Variants in SLC38A10 observed in about 807,000 individuals in gnomAD.
SLC38A10 encodes the protein Sodium-coupled neutral amino acid transporter 10.
In SLC38A10, 53 loss-of-function variants were observed where a neutral mutation model predicts 81.0. The observed-to-expected ratio is 0.65, with a 90% CI of 0.53 to 0.82. SLC38A10 has a LOEUF of 0.82. Ranked by LOEUF, SLC38A10 falls within the 40% of genes least tolerant of loss-of-function variation. The pLI, the probability that SLC38A10 is intolerant of heterozygous loss-of-function variation, is 0.00. For missense variants in SLC38A10, 1,471 were observed against 1,545.0 expected, an observed-to-expected ratio of 0.95 and a Z score of 0.80; for synonymous variants, 665 against 655.3, an observed-to-expected ratio of 1.01 and a Z score of -0.23.
intron 10 of SLC38A10, among the ~76,000 whole-genome samples, chr17:81,267,145 C>T (rs1472566320): frequency 1.3e-5 from 2 of 152,246 alleles, no homozygotes; most frequent in East Asian, 3.9e-4. Context: ...CCAAGTTAGG[C>T]CCGAATACAT....
intron 11 of SLC38A10, among the ~76,000 whole-genome samples, chr17:81,259,593 C>A (rs932552967): frequency 6.6e-6 from 1 of 152,156 alleles, no homozygotes; most frequent in Non-Finnish European, 1.5e-5. Flanking sequence ...ACCCAGGCCA[C>A]GGAGCTGCGG....
At position 81,245,690 on chromosome 17, in the gene SLC38A10, G is replaced by A. The variant is rs757534935; in HGVS notation, c.3226C>T (p.Pro1076Ser). 5 of 1,591,202 alleles carry A rather than the reference G, an allele frequency of 3.1e-6. No homozygotes were observed. Among genetic ancestry groups the A allele is most frequent in the Non-Finnish European group, 4.3e-6 (5 of 1,168,562 alleles). The stretch of plus-strand genomic sequence containing the variant: ...TCGTTCACCTGGACATCAGGCAGGG[G>A]GTTAAGGCCAATGATGACCCCATCC... ...PRDGVIIGLN[P>S]LPDVQVNDLR... The change falls in exon 16 of 16, where the codon CCC (proline) becomes TCC (serine). Residue 1076 changes from proline (P) to serine (S), a missense_variant. Around this residue, in one of 2 missense-constraint regions of SLC38A10, gnomAD observed 751 missense variants for 717.4 expected, o/e 1.05. Coordinates refer to ENST00000374759, the MANE Select transcript of SLC38A10 (RefSeq NM_001037984.3).
intron 10 of SLC38A10, among the ~76,000 whole-genome samples, chr17:81,260,602 G>A (rs1024550313): frequency 3.9e-5 from 6 of 152,340 alleles, no homozygotes; most frequent in East Asian, 1.9e-4. Flanking sequence ...CCACCTGCCC[G>A]CGAAGCTCCC....
In SLC38A10 at chr17:81,281,151, C is replaced by A. The variant is rs1014015950; in HGVS notation, c.502-418G>T. Among the ~76,000 whole-genome samples the A allele has an allele frequency of 1.3e-5, 2 of 152,190 alleles. No homozygotes were observed. Among genetic ancestry groups the A allele is most frequent in the African/African-American group, 2.4e-5 (1 of 41,438 alleles). On this transcript the variant is annotated intron_variant, in intron 5 of 15. Transcript: ENST00000374759. The surrounding 1 kb of genome is among the most constrained non-coding windows in gnomAD (Gnocchi z 5.3). ...TTTCCAAAAGACTGGCCCACCAGGA[C>A]GCGGCTGTCTCAAGAGTAAAGAGGT... is the stretch of plus-strand genomic sequence containing the variant.
intron 14 of SLC38A10, among the ~76,000 whole-genome samples, chr17:81,250,715 C>T (rs1041071907): frequency 6.6e-6 from 1 of 152,212 alleles, no homozygotes; most frequent in Admixed American, 6.5e-5. Flanking sequence ...CAGCCACACA[C>T]CCTCAGAGGG....
rs2048985948 is a variant in SLC38A10, at chr17:81,284,907, GA to G, written c.218-13del. ...GTAGGCGTGGAATGCTAGTGCAAAA[GA>G]AAAAGGAACACTCAATCCAACAGCG... On this transcript the variant is annotated splice_polypyrimidine_tract_variant and intron_variant, in intron 2 of 15. Transcript: ENST00000374759. 2 of 1,543,232 alleles carry G rather than the reference GA, an allele frequency of 1.3e-6. No homozygotes were observed. The highest frequency in any genetic ancestry group is 2.5e-5 in the East Asian group (1 of 40,114).
At chr17:81,271,144 G>A (rs73358128) in intron 9 of SLC38A10, 120 bp from the exon 10 acceptor site, 13,059 of 812,368 alleles carry the variant, frequency 0.016, 258 homozygotes, top group African/African-American at 0.081. Flanking sequence ...CCGTCTAGGC[G>A]TGAGCCGGGA....
intron 10 of SLC38A10, among the ~76,000 whole-genome samples, chr17:81,266,306 C>A (rs1463079079): frequency 6.6e-6 from 1 of 152,222 alleles, no homozygotes; most frequent in Non-Finnish European, 1.5e-5. Context: ...CTTCCCTTTA[C>A]ACAAACAGCC....
intron 6 of SLC38A10, chr17:81,280,196 T>G (rs1039642007): frequency 1.8e-5 from 8 of 446,206 alleles, no homozygotes; most frequent in African/African-American, 1.2e-4. Context: ...CGCGCGCACA[T>G]GCAGGCCTCC....
intron 10 of SLC38A10, chr17:81,263,158 G>A (rs536447786): frequency 1.3e-5 from 2 of 152,206 alleles, no homozygotes; most frequent in Non-Finnish European, 2.9e-5. Flanking sequence ...CAGTACCTGG[G>A]GACCGAACTC....
Position 81,295,086 on chromosome 17 carries a change from G to C in SLC38A10, c.-165C>G. 8.1e-7 allele frequency: 1 copy of C among 1,234,566 alleles called. No homozygotes were observed. 76.5% of individuals were successfully genotyped at this position (1,234,566 alleles called of 1,614,324 possible). A position where few individuals can be genotyped will look rare whatever the true frequency, so the allele number is the denominator to read the frequency against. On this transcript the variant is annotated 5_prime_UTR_variant, in exon 1 of 16. Transcript: ENST00000374759. ...CGGGAGCCTGAGCAGGCGCGGGCGC[G>C]GGCCCCAGAGGCTGCCTGGAGGAGG...
chr17:81,251,256 T>A (rs113562695), intron 14 of SLC38A10: 1 of 1,469,916 alleles, frequency 6.8e-7, no homozygotes, highest in African/African-American at 2.3e-5. Context: ...TCACAAGCCA[T>A]GTGACGATGC....
At position 81,246,878 on chromosome 17, in the gene SLC38A10, G is replaced by A. The variant is rs761429172; in HGVS notation, c.2242+7C>T. 79 of 1,582,832 alleles carry A rather than the reference G, an allele frequency of 5.0e-5. No homozygotes were observed. The highest frequency in any genetic ancestry group is 2.8e-4 in the South Asian group (25 of 88,984). On this transcript the variant is annotated splice_region_variant and intron_variant, in intron 15 of 15. Transcript: ENST00000374759. ...CCCACCCCACTCCATCCGCCAGCCC[G>A]GCCTACCCTGCCTGGGTTTATCCTC...
Position 81,252,498 on chromosome 17 carries a change from CTCTT to C in SLC38A10, c.1638_1641del (p.Glu548AsnfsTer156), listed in dbSNP as rs777968247. Reference sequence around the variant, plus strand: ...TCTCCCTGCTCCGGCTCTTGTTTCTCTCTTTCTGAGTCGGGCAGAGGCGGCGCCA... The same window carrying C: ...TCTCCCTGCTCCGGCTCTTGTTTCTCTCTGAGTCGGGCAGAGGCGGCGCCA... On this transcript the variant is annotated frameshift_variant, in exon 13 of 16. Transcript: ENST00000374759. LOFTEE classifies it high-confidence loss of function. 34 of 1,613,334 alleles carry C rather than the reference CTCTT, an allele frequency of 2.1e-5. No individual in the cohort carries two copies. The highest frequency in any genetic ancestry group is 2.7e-5 in the Non-Finnish European group (32 of 1,180,014).
chr17:81,275,192 G>A (rs1418802537), intron 8 of SLC38A10, among the ~76,000 whole-genome samples: 2 of 152,286 alleles, frequency 1.3e-5, no homozygotes, highest in African/African-American at 4.8e-5. Context: ...ACAGGTGTGA[G>A]CCACCATATC....
rs530583222 is a variant in SLC38A10, at chr17:81,265,932, C to T, written c.1131+4986G>A. On this transcript the variant is annotated intron_variant, in intron 10 of 15. Coordinates refer to ENST00000374759, the MANE Select transcript of SLC38A10 (RefSeq NM_001037984.3). The surrounding 1 kb of genome is among the most constrained non-coding windows in gnomAD (Gnocchi z 4.2). ...GTCTCCTCCACGCACAGCCAAACTG[C>T]GGTGAATGTGATTCAGTGCGCTTTC... Among the ~76,000 whole-genome samples, 3 of 152,356 alleles carry T rather than the reference C, an allele frequency of 2.0e-5. No individual in the cohort carries two copies. The highest frequency in any genetic ancestry group is 2.9e-5 in the Non-Finnish European group (2 of 68,036).
In SLC38A10 at chr17:81,253,335, G is replaced by T; in HGVS notation, c.1289-95C>A. On this transcript the variant is annotated intron_variant, in intron 11 of 15. Transcript: ENST00000374759. This position sits in a 1 kb window ranked among gnomAD's most constrained non-coding sequence, Gnocchi z 4.1. ...CTGTTACCATATTTTCCAGCCAAATGGCAGAGTCAAAGCAGTTTCTTTTTC... is the reference window on the plus strand; with the variant it reads ...CTGTTACCATATTTTCCAGCCAAATTGCAGAGTCAAAGCAGTTTCTTTTTC... The T allele has an allele frequency of 6.9e-7, 1 of 1,446,704 alleles. No individual in the cohort carries two copies. Among genetic ancestry groups the T allele is most frequent in the South Asian group, 1.3e-5 (1 of 75,824 alleles). 89.6% of individuals were successfully genotyped at this position (1,446,704 alleles called of 1,614,324 possible). A position where few individuals can be genotyped will look rare whatever the true frequency, so the allele number is the denominator to read the frequency against.
chr17:81,274,671 C>T (rs1040768483), intron 8 of SLC38A10, among the ~76,000 whole-genome samples: 1 of 152,146 alleles, frequency 6.6e-6, no homozygotes, highest in East Asian at 1.9e-4. Context: ...ATGCTCGGAG[C>T]GCAAGACAGC....
In SLC38A10 at chr17:81,252,300, G is replaced by A; in HGVS notation, c.1840C>T (p.Gln614Ter). 1.2e-6 allele frequency: 2 copies of A among 1,611,530 alleles called. No homozygotes were observed. Among genetic ancestry groups the A allele is most frequent in the Non-Finnish European group, 1.7e-6 (2 of 1,178,992 alleles). The change falls in exon 13 of 16, where the codon CAG (glutamine) becomes TAG (stop). Residue 614 changes from glutamine to a stop codon, truncating the protein, a stop_gained. Transcript: ENST00000374759. LOFTEE classifies it high-confidence loss of function. The part of the protein sequence containing the change: ...HPRPQAVLSE[Q>*]QNGLAVGGGE... ...CCACCCACCGCCAGGCCGTTCTGCT[G>A]CTCAGACAGCACTGCCTGGGGCCGA...
Sources: allele counts gnomAD v4.1 joint callset (sites outside exome capture counted in the v4.1 genomes callset), GRCh38; gene constraint gnomAD v4.1.1; regional missense constraint gnomAD v4.1.1; non-coding constraint Gnocchi (gnomAD v3.1); transcripts MANE v1.5; gene names NCBI Gene and HGNC (gene_info 2026-07-23, HGNC 2026-07-21).